Variants in BNIP2 observed in about 807,000 individuals in gnomAD.
BNIP2 encodes the protein BCL2/adenovirus E1B 19 kDa protein-interacting protein 2.
A neutral mutation model predicts 43.4 loss-of-function variants in BNIP2; 36 were observed. The observed-to-expected ratio is 0.83, with a 90% confidence interval of 0.64 to 1.10. The LOEUF (loss-of-function observed/expected upper bound fraction) is 1.10. Ranked by LOEUF, BNIP2 falls within the 50% of genes least tolerant of loss-of-function variation. The pLI, the probability that BNIP2 is intolerant of heterozygous loss-of-function variation, is 0.00. For synonymous variants in BNIP2, 146 were observed against 121.0 expected (o/e 1.21, Z -1.35); for missense variants, 417 against 374.1 (o/e 1.11, Z -0.95).
At chr15:59,670,893 G>C (rs1316326113) in intron 7 of BNIP2, among the ~76,000 whole-genome samples, 3 of 151,990 alleles carry the variant, frequency 2.0e-5, no homozygotes, top group Non-Finnish European at 4.4e-5. Flanking sequence ...GACCAACATG[G>C]AGAAACCCCG....
intron 5 of BNIP2, among the ~76,000 whole-genome samples, chr15:59,675,615 A>G (rs1893232037): frequency 6.6e-6 from 1 of 152,160 alleles, no homozygotes; most frequent in South Asian, 2.1e-4. Flanking sequence ...TCAAAACAAA[A>G]CAAAACAAAA....
chr15:59,677,600 C>T (rs1893386940), intron 5 of BNIP2, among the ~76,000 whole-genome samples: 1 of 152,118 alleles, frequency 6.6e-6, no homozygotes, highest in Admixed American at 6.6e-5. Context: ...CAGCAAAGAA[C>T]ATTGGGAAAT....
chr15:59,677,537 A>C (rs558360453), intron 5 of BNIP2, among the ~76,000 whole-genome samples: 1 of 152,304 alleles, frequency 6.6e-6, no homozygotes, highest in East Asian at 1.9e-4. Flanking sequence ...TGCCTACTTT[A>C]CCAAAGGAGG....
chr15:59,687,718 T>C (rs1894112359), intron 1 of BNIP2, among the ~76,000 whole-genome samples: 2 of 152,128 alleles, frequency 1.3e-5, no homozygotes, highest in African/African-American at 4.8e-5. Context: ...TTCCTCCCTA[T>C]TGTTCCTTCT....
chr15:59,663,189 T>C lies in BNIP2; in HGVS notation c.*880A>G, dbSNP rs1892367942. 1 of 152,628 alleles carries C rather than the reference T, an allele frequency of 6.6e-6. No individual in the cohort carries two copies. Among genetic ancestry groups the C allele is most frequent in the African/African-American group, 2.4e-5 (1 of 41,454 alleles). The allele number at this position is 152,628 out of a possible 1,614,324, so 9.5% of individuals were successfully genotyped here. On this transcript the variant is annotated 3_prime_UTR_variant, in exon 10 of 10. Coordinates refer to ENST00000607373, the MANE Select transcript of BNIP2 (RefSeq NM_004330.4). The stretch of plus-strand genomic sequence containing the variant: ...TAACTCATCACATTCTCTGCAATAC[T>C]ACTCAGCACTCATATACACTCAGGG...
At position 59,689,134 on chromosome 15, in the gene BNIP2, C is replaced by A. The variant is rs565966177; in HGVS notation, c.-58+1G>T. 2.0e-6 allele frequency: 3 copies of A among 1,536,474 alleles called. No individual in the cohort carries two copies. Among genetic ancestry groups the A allele is most frequent in the East Asian group, 2.4e-5 (1 of 40,832 alleles). ...GCCGAGTTCTCCCAGGCCGCACTCA[C>A]CCCGGAGGAAGCCTTGGCCCCCTCG... On this transcript the variant is annotated splice_donor_variant, in intron 1 of 9. Transcript: ENST00000607373. LOFTEE classifies it low-confidence loss of function (5UTR_SPLICE).
intron 4 of BNIP2, 68 bp from the exon 5 acceptor site, chr15:59,678,155 C>G: frequency 6.8e-7 from 1 of 1,479,692 alleles, no homozygotes; most frequent in South Asian, 1.4e-5. Flanking sequence ...ACGTTAACCA[C>G]TTTACTACCT....
chr15:59,674,726 C>CTCTA (rs1893158456), intron 5 of BNIP2, among the ~76,000 whole-genome samples: 1 of 152,162 alleles, frequency 6.6e-6, no homozygotes, highest in Non-Finnish European at 1.5e-5. Flanking sequence ...GTATGACATG[C>CTCTA]TCTACAGTGA....
intron 9 of BNIP2, among the ~76,000 whole-genome samples, chr15:59,664,650 G>C (rs1181965330): frequency 6.6e-6 from 1 of 152,032 alleles, no homozygotes; most frequent in African/African-American, 2.4e-5. Flanking sequence ...CAAAGTGCTG[G>C]GATTACAGGC....
intron 7 of BNIP2, among the ~76,000 whole-genome samples, chr15:59,670,858 A>C (rs1892854641): frequency 6.6e-6 from 1 of 152,068 alleles, no homozygotes; most frequent in South Asian, 2.1e-4. Context: ...TGGATCACCT[A>C]AGGTCAGGAG....
intron 7 of BNIP2, among the ~76,000 whole-genome samples, 167 bp downstream of exon 7, chr15:59,671,016 T>C (rs2141995582): frequency 6.7e-6 from 1 of 148,634 alleles, no homozygotes; most frequent in African/African-American, 2.5e-5. Flanking sequence ...GAGGTTGCGG[T>C]GAACCGAGAT....
Position 59,672,737 on chromosome 15 carries a change from A to G in BNIP2, c.475T>C (p.Tyr159His). The change falls in exon 6 of 10, where the codon TAT becomes CAT. Residue 159 changes from tyrosine (Y) to histidine (H), a missense_variant and splice_region_variant. Tyr to His is a moderately conservative substitution (Grantham distance 83). Transcript: ENST00000607373. Reference sequence around the variant, plus strand: ...ATGGCATTTAATCCATCCCCATAATATCCTAAAAAAGAAACCAAAGACAGT... The same window carrying G: ...ATGGCATTTAATCCATCCCCATAATGTCCTAAAAAAGAAACCAAAGACAGT... ...PYKKVISHGG[Y>H]YGDGLNAIVV... 1.2e-6 allele frequency: 2 copies of G among 1,612,758 alleles called. No homozygotes were observed. The highest frequency in any genetic ancestry group is 1.1e-5 in the South Asian group (1 of 90,898).
intron 7 of BNIP2, among the ~76,000 whole-genome samples, chr15:59,670,743 AAATAAATAAAAT>A (rs1892846566): frequency 1.3e-5 from 2 of 152,126 alleles, no homozygotes; most frequent in Non-Finnish European, 2.9e-5. Flanking sequence ...GCCATGAAAT[AAATAAATAAAAT>A]TTAAAAAATA....
At chr15:59,668,657 A>G (rs1892706681) in intron 9 of BNIP2, 2 of 435,708 alleles carry the variant, frequency 4.6e-6, no homozygotes, top group East Asian at 3.8e-5. Flanking sequence ...ATGAATCACA[A>G]CCGGAAATAA....
At chr15:59,686,149 T>G (rs1462377146) in intron 1 of BNIP2, among the ~76,000 whole-genome samples, 1 of 152,178 alleles carries the variant, frequency 6.6e-6, no homozygotes, top group African/African-American at 2.4e-5. Context: ...AAGAGATAAT[T>G]GATTCCTTCT....
chr15:59,676,720 C>T, intron 5 of BNIP2: 3 of 1,040,444 alleles, frequency 2.9e-6, no homozygotes, highest in Non-Finnish European at 1.4e-6. Flanking sequence ...CAGTGGAGTG[C>T]CGCGCGGTGC....
Position 59,659,967 on chromosome 15 carries a change from G to C in BNIP2, c.*4102C>G, listed in dbSNP as rs1892166114. 6.6e-6 allele frequency: 1 copy of C among 152,192 alleles called. No homozygotes were observed. The highest frequency in any genetic ancestry group is 2.4e-5 in the African/African-American group (1 of 41,436). The allele number at this position is 152,192 out of a possible 1,614,324, so 9.4% of individuals were successfully genotyped here. A position where few individuals can be genotyped will look rare whatever the true frequency, so the allele number is the denominator to read the frequency against. On this transcript the variant is annotated 3_prime_UTR_variant, in exon 10 of 10. Coordinates refer to ENST00000607373, the MANE Select transcript of BNIP2 (RefSeq NM_004330.4). The stretch of plus-strand genomic sequence containing the variant: ...TTATCCTTTAGAACTTCAAAGGAAA[G>C]TTACATAACTGGGTCTCACCATTGA...
At chr15:59,669,986 A>G (rs1305496048) in intron 7 of BNIP2, among the ~76,000 whole-genome samples, 5 of 152,242 alleles carry the variant, frequency 3.3e-5, no homozygotes, top group Admixed American at 3.3e-4. Context: ...GAAACCTATT[A>G]ATGGGTCTGA....
chr15:59,680,104 C>T (rs1893565842), intron 3 of BNIP2, 137 bp downstream of exon 3: 2 of 742,756 alleles, frequency 2.7e-6, no homozygotes, highest in Non-Finnish European at 4.0e-6. Flanking sequence ...AAAATGCTTT[C>T]CTCAATGTTC....
Sources: allele counts gnomAD v4.1 joint callset (sites outside exome capture counted in the v4.1 genomes callset), GRCh38; gene constraint gnomAD v4.1.1; transcripts MANE v1.5; gene names NCBI Gene and HGNC (gene_info 2026-07-23, HGNC 2026-07-21).